The following UBTD1 variants were observed in gnomAD, a reference collection of about 807,000 sequenced individuals.
The protein encoded by UBTD1 is ubiquitin domain-containing protein 1.
In UBTD1, 19 loss-of-function variants were observed where a neutral mutation model predicts 21.7. That is an observed-to-expected ratio of 0.87 (90% CI 0.61 to 1.28). The LOEUF (loss-of-function observed/expected upper bound fraction) is 1.28. Ranked by LOEUF, UBTD1 falls within the 50% of genes most tolerant of loss-of-function variation. The probability of loss-of-function intolerance (pLI) is 0.00; values close to 1 mark genes in which losing one functional copy is unlikely to be tolerated. For missense variants in UBTD1, 282 were observed against 315.1 expected, an observed-to-expected ratio of 0.89 and a Z score of 0.80; for synonymous variants, 116 against 135.1, an observed-to-expected ratio of 0.86 and a Z score of 0.98.
intron 1 of UBTD1, among the ~76,000 whole-genome samples, chr10:97,535,966 G>T (rs563812079): frequency 4.0e-3 from 203 of 50,982 alleles, no homozygotes; most frequent in African/African-American, 0.011. Context: ...TAGTTGGAGA[G>T]AAATTATTAT....
At chr10:97,535,975 A>ATTATTATTATTATTATTG (rs1554865890) in intron 1 of UBTD1, among the ~76,000 whole-genome samples, 22 of 144,236 alleles carry the variant, frequency 1.5e-4, no homozygotes, top group Admixed American at 4.9e-4. Flanking sequence ...AGAAATTATT[A>ATTATTATTATTATTATTG]TTATTATTAT....
chr10:97,538,043 C>T (rs2040571346), intron 1 of UBTD1, among the ~76,000 whole-genome samples: 1 of 152,004 alleles, frequency 6.6e-6, no homozygotes, highest in African/African-American at 2.4e-5. Flanking sequence ...CCAGGCTGGT[C>T]TTGAACTCCT....
chr10:97,521,762 G>A (rs1234840353), intron 1 of UBTD1, among the ~76,000 whole-genome samples: 1 of 152,196 alleles, frequency 6.6e-6, no homozygotes, highest in African/African-American at 2.4e-5. Context: ...TGTGTGCCTG[G>A]CCCCCTTTGG....
intron 1 of UBTD1, among the ~76,000 whole-genome samples, chr10:97,550,738 C>G (rs1244529192): frequency 6.6e-6 from 1 of 152,164 alleles, no homozygotes; most frequent in African/African-American, 2.4e-5. Context: ...GGAGTAAACA[C>G]ACACACACGC....
intron 1 of UBTD1, among the ~76,000 whole-genome samples, chr10:97,540,865 T>TGGGTTAGACCCCAGCCAGGCTGTGTGGGC (rs2040583947): frequency 1.3e-5 from 2 of 152,220 alleles, no homozygotes; most frequent in Admixed American, 6.5e-5. Context: ...AGACACCATG[T>TGGGTTAGACCCCAGCCAGGCTGTGTGGGC]GGGTTAGACC....
chr10:97,567,470 C>CT (rs2040722868), intron 1 of UBTD1, among the ~76,000 whole-genome samples: 1 of 150,708 alleles, frequency 6.6e-6, no homozygotes, highest in Non-Finnish European at 1.5e-5. Flanking sequence ...ACCAGCCTGA[C>CT]TAACATGGTG....
intron 1 of UBTD1, among the ~76,000 whole-genome samples, chr10:97,532,474 C>T (rs1474450975): frequency 5.3e-5 from 8 of 151,684 alleles, no homozygotes; most frequent in African/African-American, 1.9e-4. Flanking sequence ...GGAGAAACCC[C>T]GTCTTTACTA....
chr10:97,544,788 T>C (rs1475237032), intron 1 of UBTD1, among the ~76,000 whole-genome samples: 2 of 152,120 alleles, frequency 1.3e-5, no homozygotes, highest in Non-Finnish European at 2.9e-5. Context: ...CCTAGGAGTT[T>C]GAAGCCAGCC....
intron 1 of UBTD1, among the ~76,000 whole-genome samples, chr10:97,542,366 G>GT (rs2040591134): frequency 6.6e-6 from 1 of 152,242 alleles, no homozygotes; most frequent in African/African-American, 2.4e-5. Flanking sequence ...GATGAGTCAG[G>GT]TTTTTCCCTT....
chr10:97,541,905 T>C (rs894569023), intron 1 of UBTD1, among the ~76,000 whole-genome samples: 2 of 152,006 alleles, frequency 1.3e-5, no homozygotes, highest in African/African-American at 4.8e-5. Flanking sequence ...CAGTTGATTT[T>C]TTGTATTTTT....
intron 1 of UBTD1, among the ~76,000 whole-genome samples, chr10:97,512,123 G>A (rs146189668): frequency 1.1e-4 from 17 of 152,248 alleles, no homozygotes; most frequent in African/African-American, 3.1e-4. Flanking sequence ...TCAGAGTGAC[G>A]GACTGAATAA....
chr10:97,523,368 G>A (rs1055789424), intron 1 of UBTD1, among the ~76,000 whole-genome samples: 3 of 152,184 alleles, frequency 2.0e-5, no homozygotes, highest in African/African-American at 7.2e-5. Context: ...ACAGACTATT[G>A]TGTTCTCCCA....
intron 1 of UBTD1, among the ~76,000 whole-genome samples, chr10:97,549,065 G>A (rs2040624439): frequency 6.6e-6 from 1 of 152,224 alleles, no homozygotes; most frequent in African/African-American, 2.4e-5. Context: ...AGCACACCCT[G>A]TCTCACGCAT....
intron 1 of UBTD1, among the ~76,000 whole-genome samples, chr10:97,538,549 C>A (rs928312499): frequency 8.5e-5 from 13 of 152,140 alleles, no homozygotes; most frequent in Non-Finnish European, 2.9e-5. Context: ...AGCTTCAGCC[C>A]AGACAGTGAT....
intron 1 of UBTD1, among the ~76,000 whole-genome samples, chr10:97,524,571 C>A (rs1293668800): frequency 6.6e-6 from 1 of 152,172 alleles, no homozygotes; most frequent in Non-Finnish European, 1.5e-5. Context: ...GCTCTGCTCA[C>A]CCTATGAAGG....
chr10:97,529,453 C>T (rs995440913), intron 1 of UBTD1, among the ~76,000 whole-genome samples: 1 of 152,260 alleles, frequency 6.6e-6, no homozygotes, highest in Admixed American at 6.5e-5. Flanking sequence ...GATCACGCCG[C>T]TGCACTCCAG....
intron 1 of UBTD1, among the ~76,000 whole-genome samples, chr10:97,514,572 C>T (rs1373617847): frequency 1.3e-5 from 2 of 152,186 alleles, no homozygotes; most frequent in Non-Finnish European, 2.9e-5. Flanking sequence ...TAGCATCGCC[C>T]TTCCGCTGAT....
intron 1 of UBTD1, among the ~76,000 whole-genome samples, chr10:97,512,256 G>T (rs1007268367): frequency 1.3e-5 from 2 of 152,204 alleles, no homozygotes; most frequent in Non-Finnish European, 2.9e-5. Context: ...AGAGCCAAGG[G>T]TCCAGGGGAG....
At chr10:97,562,998 T>C (rs1419537957) in intron 1 of UBTD1, among the ~76,000 whole-genome samples, 1 of 152,064 alleles carries the variant, frequency 6.6e-6, no homozygotes, top group Non-Finnish European at 1.5e-5. Flanking sequence ...TGGGAACCTA[T>C]AGTGGGAGAG....
Sources: gnomAD v4.1 joint callset for allele counts (sites outside exome capture counted in the v4.1 genomes callset) on GRCh38, gnomAD v4.1.1 for gene constraint, MANE v1.5 for transcripts, NCBI Gene and HGNC (gene_info 2026-07-23, HGNC 2026-07-21) for gene names.